The following RTL10 variants were observed in gnomAD, a reference collection of about 807,000 sequenced individuals.
RTL10 encodes the protein retrotransposon Gag like 10, also known as protein Bop.
For missense variants in RTL10, 477 were observed against 470.7 expected, an observed-to-expected ratio of 1.01 and a Z score of -0.12; for synonymous variants, 199 against 188.4, an observed-to-expected ratio of 1.06 and a Z score of -0.46.
At position 19,852,305 on chromosome 22, in the gene RTL10, G is replaced by A; in HGVS notation, c.-44C>T. ...AAGAGAGGAGAGCCAGCACTGGTGG[G>A]TGGTGGGGGTGTGGACAGATGTGGC... On this transcript the variant is annotated 5_prime_UTR_variant, in exon 3 of 3. Coordinates refer to ENST00000328554, the MANE Select transcript of RTL10 (RefSeq NM_024627.6). The A allele has an allele frequency of 6.4e-7, 1 of 1,561,688 alleles. No homozygotes were observed. Among genetic ancestry groups the A allele is most frequent in the Non-Finnish European group, 8.7e-7 (1 of 1,150,862 alleles).
In RTL10 at chr22:19,847,322, T is replaced by C. The variant is rs1937983562; in HGVS notation, c.*3845A>G. The stretch of plus-strand genomic sequence containing the variant: ...GCAGCACAATCTGGCTCATGCTGAC[T>C]GATCCTGCAGGGTAACAGCTTTATT... On this transcript the variant is annotated 3_prime_UTR_variant, in exon 3 of 3. Transcript: ENST00000328554. The C allele has an allele frequency of 1.0e-6, 1 of 985,324 alleles. No homozygotes were observed. The highest frequency in any genetic ancestry group is 1.2e-6 in the Non-Finnish European group (1 of 829,908). The allele number at this position is 985,324 out of a possible 1,614,324, so 61.0% of individuals were successfully genotyped here. A position where few individuals can be genotyped will look rare whatever the true frequency, so the allele number is the denominator to read the frequency against.
rs143994976 is a variant in RTL10 at position 19,851,811 on chromosome 22, G to T, written c.451C>A (p.Gln151Lys). ...TCAAGGTAGGGGGCTGCCCAGGCCT[G>T]GGCTCGGCCTGTTAGGCGCCTGAGG... ...EILRRLTGRA[Q>K]AWAAPYLDGD... is the part of the protein sequence containing the mutation. The change falls in exon 3 of 3, where the codon CAG (glutamine) becomes AAG (lysine). Residue 151 changes from glutamine to lysine, a missense_variant. Physicochemically the swap from Gln to Lys is moderately conservative, Grantham distance 53. Transcript: ENST00000328554. The T allele has an allele frequency of 9.9e-6, 16 of 1,613,968 alleles. No individual in the cohort carries two copies. Among genetic ancestry groups the T allele is most frequent in the Non-Finnish European group, 1.2e-5 (14 of 1,180,024 alleles).
At position 19,847,771 on chromosome 22, in the gene RTL10, C is replaced by T. The variant is rs548280989; in HGVS notation, c.*3396G>A. 21 of 759,874 alleles carry T rather than the reference C, an allele frequency of 2.8e-5. No individual in the cohort carries two copies. The South Asian group carries it at 1.1e-3, about 42-fold the overall frequency. 47.1% of individuals were successfully genotyped at this position (759,874 alleles called of 1,614,324 possible). ...TTCTCCATACCTCCACAACTCTGGG[C>T]ATCTAAAACTTTTAAAATCCTGGAA... On this transcript the variant is annotated 3_prime_UTR_variant, in exon 3 of 3. Transcript: ENST00000328554.
chr22:19,853,719 G>T (rs897325210), intron 2 of RTL10, among the ~76,000 whole-genome samples: 6 of 133,504 alleles, frequency 4.5e-5, no homozygotes, highest in Non-Finnish European at 7.8e-5. Context: ...ACCCCCCTCT[G>T]GGGGGGGGGT....
rs1270392445 is a variant in RTL10, at chr22:19,850,733, C to A, written c.*434G>T. The A allele has an allele frequency of 1.0e-5, 13 of 1,240,154 alleles. No homozygotes were observed. The highest frequency in any genetic ancestry group is 8.1e-6 in the Non-Finnish European group (8 of 993,734). The allele number at this position is 1,240,154 out of a possible 1,614,324, so 76.8% of individuals were successfully genotyped here. A position where few individuals can be genotyped will look rare whatever the true frequency, so the allele number is the denominator to read the frequency against. On this transcript the variant is annotated 3_prime_UTR_variant, in exon 3 of 3. Transcript: ENST00000328554. ...GGCTAGGGGGACAGACACAGAAACC[C>A]CATACAGGAACGAGGTCCCAACAGG...
Position 19,849,835 on chromosome 22 carries a change from C to G in RTL10, c.*1332G>C. The G allele has an allele frequency of 3.0e-6, 3 of 985,436 alleles. No homozygotes were observed. The highest frequency in any genetic ancestry group is 3.6e-6 in the Non-Finnish European group (3 of 829,932). 61.0% of individuals were successfully genotyped at this position (985,436 alleles called of 1,614,324 possible). On this transcript the variant is annotated 3_prime_UTR_variant, in exon 3 of 3. Coordinates refer to ENST00000328554, the MANE Select transcript of RTL10 (RefSeq NM_024627.6). ...GGGACTTGAACTTCTTGTCCAAGCA[C>G]CAGAGTGGGCACACACTGCACACAC...
At chr22:19,852,515 G>A in intron 2 of RTL10, 29 bp from the exon 3 acceptor site, 2 of 520,582 alleles carry the variant, frequency 3.8e-6, no homozygotes, top group Non-Finnish European at 6.9e-6. Context: ...GGGAAGAGCA[G>A]GAACTAGGCC....
In RTL10 at chr22:19,849,777, T is replaced by C; in HGVS notation, c.*1390A>G. 4 of 985,476 alleles carry C rather than the reference T, an allele frequency of 4.1e-6. No homozygotes were observed. The South Asian group carries it at 1.9e-4, about 46-fold the overall frequency. 61.0% of individuals were successfully genotyped at this position (985,476 alleles called of 1,614,324 possible). Reference sequence around the variant, plus strand: ...TTCTTCCTACTTTCCAGGAAGGTGTTGTTTTGTTGTTTTCACAATTGTAAA... The same window carrying C: ...TTCTTCCTACTTTCCAGGAAGGTGTCGTTTTGTTGTTTTCACAATTGTAAA... On this transcript the variant is annotated 3_prime_UTR_variant, in exon 3 of 3. Transcript: ENST00000328554.
At chr22:19,853,681 C>T (rs906382370) in intron 2 of RTL10, among the ~76,000 whole-genome samples, 4 of 152,136 alleles carry the variant, frequency 2.6e-5, no homozygotes, top group Non-Finnish European at 4.4e-5. Flanking sequence ...CCTCCACCAC[C>T]CAAACACTCT....
In RTL10 at chr22:19,848,924, T is replaced by G. The variant is rs1202145310; in HGVS notation, c.*2243A>C. 1.0e-6 allele frequency: 1 copy of G among 985,006 alleles called. No individual in the cohort carries two copies. The highest frequency in any genetic ancestry group is 1.7e-5 in the African/African-American group (1 of 57,202). The allele number at this position is 985,006 out of a possible 1,614,324, so 61.0% of individuals were successfully genotyped here. On this transcript the variant is annotated 3_prime_UTR_variant, in exon 3 of 3. Transcript: ENST00000328554. ...GTCAGCTGGGTGACTAGGCTGTCCA[T>G]CCTAGAGAGCAACTCTGGGTTCTAC...
chr22:19,847,988 C>T lies in RTL10; in HGVS notation c.*3179G>A. The T allele has an allele frequency of 1.0e-6, 1 of 985,238 alleles. No individual in the cohort carries two copies. The highest frequency in any genetic ancestry group is 1.2e-6 in the Non-Finnish European group (1 of 829,798). The allele number at this position is 985,238 out of a possible 1,614,324, so 61.0% of individuals were successfully genotyped here. On this transcript the variant is annotated 3_prime_UTR_variant, in exon 3 of 3. Coordinates refer to ENST00000328554, the MANE Select transcript of RTL10 (RefSeq NM_024627.6). The stretch of plus-strand genomic sequence containing the variant: ...CCATTTTACTCGTTAATTGGAAACA[C>T]CTCTAGCCTGTACTAAATTTCCATA...
intron 2 of RTL10, among the ~76,000 whole-genome samples, chr22:19,854,122 C>T (rs1023534197): frequency 3.3e-5 from 5 of 152,222 alleles, no homozygotes; most frequent in Admixed American, 1.3e-4. Context: ...AGCCCTCCCA[C>T]GCCTATCAGT....
rs1938066333 is a variant in RTL10, at chr22:19,850,401, T to C, written c.*766A>G. 1 of 990,032 alleles carries C rather than the reference T, an allele frequency of 1.0e-6. No individual in the cohort carries two copies. The highest frequency in any genetic ancestry group is 6.1e-5 in the Admixed American group (1 of 16,388). 61.3% of individuals were successfully genotyped at this position (990,032 alleles called of 1,614,324 possible). ...ATCCGCAATGCATGCGAGTGCGGAG[T>C]GAGCAGGGGATGGCAGCACAGCAGC... On this transcript the variant is annotated 3_prime_UTR_variant, in exon 3 of 3. Coordinates refer to ENST00000328554, the MANE Select transcript of RTL10 (RefSeq NM_024627.6).
intron 2 of RTL10, among the ~76,000 whole-genome samples, chr22:19,853,868 C>T (rs1055004064): frequency 2.0e-5 from 3 of 152,198 alleles, no homozygotes; most frequent in Non-Finnish European, 4.4e-5. Flanking sequence ...GGGCCCAGCT[C>T]CCACCACCAG....
Position 19,847,206 on chromosome 22 carries a change from T to C in RTL10, c.*3961A>G. On this transcript the variant is annotated 3_prime_UTR_variant, in exon 3 of 3. Transcript: ENST00000328554. ...AGGTAGGCTGTCGTCAGCACAGGTC[T>C]GACAGGCCCCAGCCACGGTGGCCCA... 26 of 985,492 alleles carry C rather than the reference T, an allele frequency of 2.6e-5. No individual in the cohort carries two copies. The highest frequency in any genetic ancestry group is 3.1e-5 in the Non-Finnish European group (26 of 829,964). 61.0% of individuals were successfully genotyped at this position (985,492 alleles called of 1,614,324 possible).
chr22:19,851,452 G>T lies in RTL10; in HGVS notation c.810C>A (p.Pro270=). The T allele has an allele frequency of 6.2e-7, 1 of 1,614,110 alleles. No homozygotes were observed. The highest frequency in any genetic ancestry group is 2.2e-5 in the East Asian group (1 of 44,860). Residue 270 remains proline, a synonymous_variant, in exon 3 of 3, where the codon CCC becomes CCA. Transcript: ENST00000328554. The part of the protein sequence containing the change: ...TKESTPGPKE[P]PVLPSSTCSS... ...TACATGTAGAACTGGGCAGGACTGGGGGCTCCTTGGGCCCAGGGGTGCTCT... is the reference window on the plus strand; with the variant it reads ...TACATGTAGAACTGGGCAGGACTGGTGGCTCCTTGGGCCCAGGGGTGCTCT...
At position 19,846,939 on chromosome 22, in the gene RTL10, A is replaced by G; in HGVS notation, c.*4228T>C. The G allele has an allele frequency of 1.0e-6, 1 of 985,384 alleles. No individual in the cohort carries two copies. The highest frequency in any genetic ancestry group is 1.2e-6 in the Non-Finnish European group (1 of 829,928). The allele number at this position is 985,384 out of a possible 1,614,324, so 61.0% of individuals were successfully genotyped here. On this transcript the variant is annotated 3_prime_UTR_variant, in exon 3 of 3. Transcript: ENST00000328554. ...AAACAGGTATGTTGCCCTGGGATGGATGCAGGCCCCTCCCATCCTCCCATC... is the reference window on the plus strand; with the variant it reads ...AAACAGGTATGTTGCCCTGGGATGGGTGCAGGCCCCTCCCATCCTCCCATC...
chr22:19,851,984 CTGTGGGGTCGGGAGCTGGGCA>C lies in RTL10; in HGVS notation c.257_277del (p.Met86_His92del). Reference sequence around the variant, plus strand: ...GCCTGGTACCCAGCAGAAGTCCACCCTGTGGGGTCGGGAGCTGGGCATGTGCCCAGCTAGGGGACCCCTTTC... The same window carrying C: ...GCCTGGTACCCAGCAGAAGTCCACCCTGTGCCCAGCTAGGGGACCCCTTTC... On this transcript the variant is annotated inframe_deletion, in exon 3 of 3. Transcript: ENST00000328554. 1.2e-6 allele frequency: 2 copies of C among 1,614,206 alleles called. No individual in the cohort carries two copies. The highest frequency in any genetic ancestry group is 2.2e-5 in the South Asian group (2 of 91,090).
rs1184485584 is a variant in RTL10, at chr22:19,852,070, C to T, written c.192G>A (p.Gln64=). 6.2e-7 allele frequency: 1 copy of T among 1,614,140 alleles called. No homozygotes were observed. The highest frequency in any genetic ancestry group is 1.3e-5 in the African/African-American group (1 of 74,956). ...DTVCVRTTME[Q]KSTASGTCGG... is the part of the protein sequence containing the mutation. Reference sequence around the variant, plus strand: ...CACAAGTGCCACTAGCTGTGCTCTTCTGCTCCATGGTCGTTCGCACACACA... The same window carrying T: ...CACAAGTGCCACTAGCTGTGCTCTTTTGCTCCATGGTCGTTCGCACACACA... Residue 64 remains glutamine (Q), a synonymous_variant, in exon 3 of 3, where the codon CAG becomes CAA. Transcript: ENST00000328554.
Sources: gnomAD v4.1 joint callset for allele counts (sites outside exome capture counted in the v4.1 genomes callset) on GRCh38, gnomAD v4.1.1 for gene constraint, MANE v1.5 for transcripts, NCBI Gene and HGNC (gene_info 2026-07-23, HGNC 2026-07-21) for gene names.